Variants in PIBF1 observed in about 807,000 individuals in gnomAD.
The protein encoded by PIBF1 is progesterone immunomodulatory binding factor 1.
PIBF1 carries 90 observed loss-of-function variants against 112.5 expected under a neutral mutation model. The ratio of observed to expected loss-of-function variants is 0.80; its 90% CI spans 0.67 to 0.95. The LOEUF is 0.95. Among genes scored for constraint, PIBF1 ranks in the 40% least tolerant of loss-of-function variants. The probability of loss-of-function intolerance (pLI) is 0.00; values close to 1 mark genes in which losing one functional copy is unlikely to be tolerated. For missense variants in PIBF1, 915 were observed against 852.3 expected, an observed-to-expected ratio of 1.07 and a Z score of -0.92; for synonymous variants, 301 against 288.6, an observed-to-expected ratio of 1.04 and a Z score of -0.44.
chr13:72,956,504 T>A (rs934333689), intron 14 of PIBF1, among the ~76,000 whole-genome samples: 6 of 152,236 alleles, frequency 3.9e-5, no homozygotes, highest in African/African-American at 1.4e-4. Flanking sequence ...TCAGTGGTCA[T>A]TAATGACCTC....
intron 10 of PIBF1, among the ~76,000 whole-genome samples, chr13:72,863,494 GA>G (rs71099762): frequency 0.31 from 43,807 of 142,862 alleles, 6,982 homozygotes; most frequent in South Asian, 0.47. Flanking sequence ...TACTAAAAAT[GA>G]AAAAAAAAAA....
At chr13:72,902,848 A>C (rs1202608030) in intron 11 of PIBF1, among the ~76,000 whole-genome samples, 1 of 152,110 alleles carries the variant, frequency 6.6e-6, no homozygotes, top group African/African-American at 2.4e-5. Context: ...TATGGTTTAC[A>C]TGTTCAGTAA....
At chr13:72,933,761 A>G (rs1055045554) in intron 14 of PIBF1, among the ~76,000 whole-genome samples, 5 of 152,354 alleles carry the variant, frequency 3.3e-5, no homozygotes, top group African/African-American at 1.2e-4. Context: ...ATAATTAAGT[A>G]TAATTAACTT....
chr13:72,795,593 T>C (rs2035154753), intron 4 of PIBF1, 36 bp downstream of exon 4: 9 of 1,278,620 alleles, frequency 7.0e-6, no homozygotes, highest in Non-Finnish European at 7.8e-6. Context: ...CTATGACATA[T>C]ATTTTCAGAC....
At chr13:72,794,784 T>A (rs1323396713) in intron 3 of PIBF1, among the ~76,000 whole-genome samples, 1 of 152,224 alleles carries the variant, frequency 6.6e-6, no homozygotes, top group Admixed American at 6.5e-5. Context: ...AATTACCCAG[T>A]CTTGGGTATG....
chr13:72,865,397 A>G (rs2038882819), intron 10 of PIBF1, among the ~76,000 whole-genome samples: 1 of 152,174 alleles, frequency 6.6e-6, no homozygotes, highest in African/African-American at 2.4e-5. Flanking sequence ...AGCAATTTAT[A>G]TAGAGAATTT....
Position 72,783,533 on chromosome 13 carries a change from GA to G in PIBF1, c.65del (p.Asp22ValfsTer4), listed in dbSNP as rs747280911. Reference sequence around the variant, plus strand: ...CATCTCTAGTTCTCTGGAATCTGAAGATATTAGTTTAGAAACAACAGTTCCT... The same window carrying G: ...CATCTCTAGTTCTCTGGAATCTGAAGTATTAGTTTAGAAACAACAGTTCCT... ...VNISSSLESEDISLETTVPTD... is the reference protein window; with the variant it reads ...VNISSSLESEXISLETTVPTD... On this transcript the variant is annotated frameshift_variant, in exon 2 of 18. Transcript: ENST00000326291. LOFTEE classifies it high-confidence loss of function. 6.2e-7 allele frequency: 1 copy of G among 1,613,502 alleles called. No individual in the cohort carries two copies. The highest frequency in any genetic ancestry group is 8.5e-7 in the Non-Finnish European group (1 of 1,179,444).
At chr13:72,928,024 T>TAC (rs1566458614) in intron 13 of PIBF1, among the ~76,000 whole-genome samples, 7 of 69,374 alleles carry the variant, frequency 1.0e-4, no homozygotes, top group Non-Finnish European at 1.8e-4. Flanking sequence ...TACATATATA[T>TAC]ACATATATAT....
rs568268645 is a variant in PIBF1 at position 72,975,331 on chromosome 13, A to G, written c.2049+1656A>G. On this transcript the variant is annotated intron_variant, in intron 16 of 17. Transcript: ENST00000326291. ...TCAATCCTCAAAGTGCTGGGATTAC[A>G]GGTGTGAGCCACCGCGCCCGACCAG... 7.2e-4 allele frequency among the ~76,000 whole-genome samples: 109 copies of G among 152,320 alleles called. 1 individual carries two copies. The highest frequency in any genetic ancestry group is 2.6e-3 in the African/African-American group (108 of 41,580).
chr13:72,906,726 ATATCT>A (rs1403206563), intron 11 of PIBF1, among the ~76,000 whole-genome samples: 2 of 152,192 alleles, frequency 1.3e-5, no homozygotes, highest in African/African-American at 4.8e-5. Flanking sequence ...CCTTAAAATA[ATATCT>A]TATAAAATAT....
intron 13 of PIBF1, among the ~76,000 whole-genome samples, chr13:72,925,273 TTATC>T (rs886557240): frequency 6.6e-6 from 1 of 152,174 alleles, no homozygotes; most frequent in Non-Finnish European, 1.5e-5. Context: ...GATTTTATGT[TTATC>T]TATAAGGTTA....
intron 5 of PIBF1, among the ~76,000 whole-genome samples, chr13:72,807,062 A>G (rs1489493717): frequency 6.6e-6 from 1 of 151,368 alleles, no homozygotes; most frequent in Admixed American, 6.6e-5. Context: ...CCATTCATCT[A>G]TAAATAGATA....
chr13:72,859,557 T>C (rs926828510), intron 10 of PIBF1, among the ~76,000 whole-genome samples: 1 of 152,120 alleles, frequency 6.6e-6, no homozygotes, highest in Non-Finnish European at 1.5e-5. Flanking sequence ...TATAAAACAA[T>C]AACAACAAAT....
chr13:72,888,605 C>T (rs1391124083), intron 10 of PIBF1, among the ~76,000 whole-genome samples: 2 of 151,740 alleles, frequency 1.3e-5, no homozygotes, highest in Non-Finnish European at 2.9e-5. Flanking sequence ...AATGTTAATC[C>T]GTTTAGAATT....
intron 2 of PIBF1, among the ~76,000 whole-genome samples, chr13:72,787,974 G>A (rs180944474): frequency 2.6e-5 from 4 of 152,188 alleles, no homozygotes; most frequent in African/African-American, 7.2e-5. Flanking sequence ...TTTTAGCCTG[G>A]GCAGGAAACT....
intron 11 of PIBF1, among the ~76,000 whole-genome samples, chr13:72,904,941 A>T (rs1302944204): frequency 1.3e-5 from 2 of 151,972 alleles, no homozygotes; most frequent in Non-Finnish European, 2.9e-5. Flanking sequence ...GCCTTGACTC[A>T]TTTTAATGTT....
At chr13:72,847,793 TAC>T (rs1280906837) in intron 9 of PIBF1, among the ~76,000 whole-genome samples, 1 of 152,214 alleles carries the variant, frequency 6.6e-6, no homozygotes, top group Non-Finnish European at 1.5e-5. Context: ...AAGGTAAAAC[TAC>T]AGTCATTGAA....
intron 16 of PIBF1, among the ~76,000 whole-genome samples, chr13:72,975,314 C>T (rs757358310): frequency 6.6e-6 from 1 of 152,090 alleles, no homozygotes; most frequent in Non-Finnish European, 1.5e-5. Context: ...CCTCAATCCT[C>T]AAAGTGCTGG....
At chr13:72,872,256 A>G (rs1028193540) in intron 10 of PIBF1, among the ~76,000 whole-genome samples, 1 of 152,240 alleles carries the variant, frequency 6.6e-6, no homozygotes, top group African/African-American at 2.4e-5. Context: ...AATTGAAAGT[A>G]TCTTGGAGAG....
Sources: allele counts gnomAD v4.1 joint callset (sites outside exome capture counted in the v4.1 genomes callset), GRCh38; gene constraint gnomAD v4.1.1; transcripts MANE v1.5; gene names NCBI Gene and HGNC (gene_info 2026-07-23, HGNC 2026-07-21).